The following PTK2 variants were observed in gnomAD, a reference collection of about 807,000 sequenced individuals.
PTK2 encodes protein tyrosine kinase 2.
PTK2 carries 45 observed loss-of-function variants against 150.1 expected under a neutral mutation model. The ratio of observed to expected loss-of-function variants is 0.30; its 90% CI spans 0.24 to 0.38. The LOEUF is 0.38. PTK2 is among the 10% of genes least tolerant of loss of function. The pLI is 1.00. For synonymous variants in PTK2, 432 were observed against 449.2 expected (o/e 0.96, Z 0.48); for missense variants, 919 against 1,307.3 (o/e 0.70, Z 4.58).
At position 140,674,293 on chromosome 8, in the gene PTK2, C is replaced by A. The variant is rs1244163937; in HGVS notation, c.2709+5G>T. ...AGAAGGTGCTGCACAGGCTCAGATG[C>A]CCACCTTGACACCCTCGTTGTAGCT... On this transcript the variant is annotated splice_donor_5th_base_variant and intron_variant, in intron 29 of 31. Coordinates refer to ENST00000522684, the Ensembl canonical transcript of PTK2. The A allele has an allele frequency of 6.3e-7, 1 of 1,598,608 alleles. No homozygotes were observed. The highest frequency in any genetic ancestry group is 8.5e-7 in the Non-Finnish European group (1 of 1,172,362).
rs1330936406 is a variant in PTK2 at position 140,920,102 on chromosome 8, TAAC to T, written c.-33+5556_-33+5558del. ...TGACATTTAAATATATTAGAAATAA[TAAC>T]AAAAAATATTTATTATATTCTTCAT... is the stretch of plus-strand genomic sequence containing the variant. On this transcript the variant is annotated intron_variant, in intron 2 of 31. Transcript: ENST00000522684. 2.6e-5 allele frequency among the ~76,000 whole-genome samples: 4 copies of T among 151,796 alleles called. No individual in the cohort carries two copies. The East Asian group carries it at 7.7e-4, about 29-fold the overall frequency.
intron 22 of PTK2, among the ~76,000 whole-genome samples, chr8:140,725,844 C>CAA (rs551800761): frequency 3.7e-4 from 26 of 69,910 alleles, no homozygotes; most frequent in African/African-American, 9.7e-4. Context: ...CCTTGATATA[C>CAA]AAAAAAAAAA....
chr8:140,922,089 CTTTG>C (rs1477338048), intron 2 of PTK2, among the ~76,000 whole-genome samples: 2 of 152,132 alleles, frequency 1.3e-5, no homozygotes, highest in Admixed American at 6.5e-5. Flanking sequence ...ATGACCGAGG[CTTTG>C]TTTATGAAGT....
At chr8:140,848,808 ACCGTTACT>A (rs1473105167) in intron 5 of PTK2, among the ~76,000 whole-genome samples, 1 of 152,198 alleles carries the variant, frequency 6.6e-6, no homozygotes, top group African/African-American at 2.4e-5. Flanking sequence ...GAAAAATACC[ACCGTTACT>A]CTGATGGAAA....
At chr8:140,734,703 G>A in intron 22 of PTK2, 1 of 515,950 alleles carries the variant, frequency 1.9e-6, no homozygotes. Context: ...GTATTCAAAA[G>A]GTGGCAAAGG....
At chr8:140,795,803 T>C (rs2100091199) in intron 12 of PTK2, among the ~76,000 whole-genome samples, 1 of 152,222 alleles carries the variant, frequency 6.6e-6, no homozygotes, top group African/African-American at 2.4e-5. Context: ...TACTCGTCAC[T>C]ATTCCCTGAT....
At chr8:140,680,796 G>A (rs535047158) in intron 27 of PTK2, among the ~76,000 whole-genome samples, 45 of 152,236 alleles carry the variant, frequency 3.0e-4, no homozygotes, top group East Asian at 3.9e-4. Flanking sequence ...CTTCTTGCTC[G>A]TGAACTAAAG....
At chr8:140,913,630 T>C (rs2100164087) in intron 2 of PTK2, among the ~76,000 whole-genome samples, 1 of 151,972 alleles carries the variant, frequency 6.6e-6, no homozygotes, top group South Asian at 2.1e-4. Flanking sequence ...AATTATTATT[T>C]ACAATATCAT....
At chr8:140,939,498 CCTT>C (rs1301236652) in intron 1 of PTK2, among the ~76,000 whole-genome samples, 2 of 152,198 alleles carry the variant, frequency 1.3e-5, no homozygotes, top group Admixed American at 1.3e-4. Flanking sequence ...CAACAGGTAG[CCTT>C]CATCAACCCT....
At chr8:140,988,021 G>T (rs1385461862) in intron 1 of PTK2, among the ~76,000 whole-genome samples, 1 of 146,810 alleles carries the variant, frequency 6.8e-6, no homozygotes, top group Non-Finnish European at 1.5e-5. Context: ...CTCCAGCCTG[G>T]ACAACAGAGT....
At chr8:140,726,966 T>G (rs942303408) in intron 22 of PTK2, among the ~76,000 whole-genome samples, 5 of 152,214 alleles carry the variant, frequency 3.3e-5, no homozygotes, top group African/African-American at 1.2e-4. Flanking sequence ...AAATGGACAT[T>G]CCTGCTGGCA....
At chr8:140,702,602 G>C in exon 25 of PTK2, 1 of 1,613,940 alleles carries the variant, frequency 6.2e-7, no homozygotes, top group Non-Finnish European at 8.5e-7. Context: ...GCTATCTCCT[G>C]AGGTCTATGA....
intron 10 of PTK2, among the ~76,000 whole-genome samples, chr8:140,812,823 A>G (rs2100102384): frequency 6.6e-6 from 1 of 152,220 alleles, no homozygotes; most frequent in Non-Finnish European, 1.5e-5. Context: ...ATCCAACGAG[A>G]AGGCCTAACT....
At chr8:140,833,713 A>G (rs756948834) in intron 7 of PTK2, among the ~76,000 whole-genome samples, 13 of 152,246 alleles carry the variant, frequency 8.5e-5, no homozygotes, top group Admixed American at 2.6e-4. Flanking sequence ...TCAACAAAAT[A>G]TAATTACTAA....
chr8:140,754,673 G>A (rs2100064641), intron 16 of PTK2, among the ~76,000 whole-genome samples: 2 of 152,212 alleles, frequency 1.3e-5, no homozygotes, highest in South Asian at 4.1e-4. Flanking sequence ...TCAAATGAAT[G>A]CTAAGTGTAA....
chr8:140,791,000 G>C (rs2100088102), intron 13 of PTK2, among the ~76,000 whole-genome samples: 1 of 152,168 alleles, frequency 6.6e-6, no homozygotes, highest in African/African-American at 2.4e-5. Context: ...TTGGATTTCA[G>C]CTCTTATCTG....
chr8:140,764,671 T>G (rs1218112878), intron 14 of PTK2: 8 of 331,664 alleles, frequency 2.4e-5, no homozygotes, highest in Non-Finnish European at 4.4e-5. Context: ...TTTCTCCAAA[T>G]AAGACTGGTA....
intron 1 of PTK2, among the ~76,000 whole-genome samples, chr8:140,939,189 T>A (rs758449697): frequency 6.6e-6 from 1 of 152,146 alleles, no homozygotes; most frequent in East Asian, 1.9e-4. Context: ...TAAAAGTATA[T>A]CCTAACCTTT....
chr8:140,890,477 TCATACATGCC>T, intron 3 of PTK2, 56 bp downstream of exon 3: 1 of 1,319,450 alleles, frequency 7.6e-7, no homozygotes, highest in African/African-American at 1.5e-5. Context: ...CTATCTTTTT[TCATACATGCC>T]ATTACATTTT....
Sources: gnomAD v4.1 joint callset for allele counts (sites outside exome capture counted in the v4.1 genomes callset) on GRCh38, gnomAD v4.1.1 for gene constraint, MANE v1.5 for transcripts, NCBI Gene and HGNC (gene_info 2026-07-23, HGNC 2026-07-21) for gene names.